DCAF6: variants seen among roughly 807,000 people sequenced by gnomAD.
The protein encoded by DCAF6 is DDB1- and CUL4-associated factor 6.
Under a neutral mutation model 125.1 loss-of-function variants are expected in DCAF6, and 54 were observed. That is an observed-to-expected ratio of 0.43 (90% confidence interval 0.35 to 0.54). The LOEUF (loss-of-function observed/expected upper bound fraction) is 0.54. Ranked by LOEUF, DCAF6 falls within the 20% of genes least tolerant of loss-of-function variation. The pLI, the probability that DCAF6 is intolerant of heterozygous loss-of-function variation, is 0.01. For missense variants in DCAF6, 934 were observed against 1,161.7 expected, an observed-to-expected ratio of 0.80 and a Z score of 2.85; for synonymous variants, 371 against 390.4, an observed-to-expected ratio of 0.95 and a Z score of 0.58.
At chr1:167,904,945 C>T in the DCAF6 span, 10 of 1,613,622 alleles carry the variant, frequency 6.2e-6, no homozygotes, top group Middle Eastern at 1.6e-4. Context: ...AATTCCCACG[C>T]GAGCCTGTTG....
chr1:168,039,703 G>A (rs1457117861), intron 13 of DCAF6, among the ~76,000 whole-genome samples: 1 of 146,066 alleles, frequency 6.8e-6, no homozygotes, highest in Admixed American at 6.9e-5. Context: ...ATATTTAATT[G>A]TATATTAATA....
the DCAF6 span, among the ~76,000 whole-genome samples, chr1:167,886,515 A>T: frequency 4.6e-5 from 7 of 152,212 alleles, no homozygotes; most frequent in African/African-American, 1.7e-4. Flanking sequence ...CTGAAACTGG[A>T]TCCCTTCCTT....
chr1:167,952,920 T>C (rs1336334435), intron 2 of DCAF6, among the ~76,000 whole-genome samples: 1 of 152,224 alleles, frequency 6.6e-6, no homozygotes, highest in East Asian at 1.9e-4. Context: ...TTAGTAATTA[T>C]CAAGATTTTG....
At chr1:167,924,289 A>G in the DCAF6 span, 1 of 376,150 alleles carries the variant, frequency 2.7e-6, no homozygotes, top group Non-Finnish European at 4.9e-6. Context: ...TGTTCCCAGA[A>G]GGCCTCTTAT....
intron 10 of DCAF6, among the ~76,000 whole-genome samples, chr1:168,011,048 G>A (rs1684205445): frequency 6.6e-6 from 1 of 151,244 alleles, no homozygotes; most frequent in Non-Finnish European, 1.5e-5. Context: ...ATATTGAGAA[G>A]TGAATCACTT....
the DCAF6 span, chr1:167,903,844 G>T: frequency 2.8e-6 from 4 of 1,406,760 alleles, no homozygotes; most frequent in Non-Finnish European, 4.0e-6. Context: ...AAAAAACAAT[G>T]AATTGAAATA....
chr1:167,986,710 C>T (rs1408026738), intron 4 of DCAF6, among the ~76,000 whole-genome samples: 2 of 152,148 alleles, frequency 1.3e-5, no homozygotes, highest in Middle Eastern at 3.2e-3. Context: ...GGAGGTGGAG[C>T]TCAGGTGGTA....
intron 2 of DCAF6, among the ~76,000 whole-genome samples, chr1:167,956,050 G>T (rs1290281106): frequency 6.6e-6 from 1 of 152,206 alleles, no homozygotes; most frequent in Non-Finnish European, 1.5e-5. Context: ...ACAGGTATGA[G>T]CCGCTGTGCT....
intron 11 of DCAF6, 30 bp downstream of exon 11, chr1:168,015,981 T>C: frequency 1.4e-6 from 2 of 1,416,014 alleles, no homozygotes; most frequent in Non-Finnish European, 1.9e-6. Context: ...CTTAAGCAGC[T>C]GATAGAATTG....
chr1:168,044,664 C>T lies in DCAF6; in HGVS notation c.1923C>T (p.Ile641=), dbSNP rs1175754908. 1 of 1,609,374 alleles carries T rather than the reference C, an allele frequency of 6.2e-7. No individual in the cohort carries two copies. The highest frequency in any genetic ancestry group is 8.5e-7 in the Non-Finnish European group (1 of 1,176,016). The change falls in exon 15 of 22, where the codon ATC becomes ATT. Residue 641 remains isoleucine (I), a synonymous_variant. Transcript: ENST00000367840. Reference sequence around the variant, plus strand: ...CAGAAAACCCAGTTGAGAACCATATCAATATAAGTGAGTTGCTCCCTTTAG... The same window carrying T: ...CAGAAAACCCAGTTGAGAACCATATTAATATAAGTGAGTTGCTCCCTTTAG... ...VSAENPVENH[I]NITQSDKFTA... is the part of the protein sequence containing the mutation.
At chr1:168,003,785 TA>T in intron 8 of DCAF6, 84 bp from the exon 9 acceptor site, 1 of 1,245,028 alleles carries the variant, frequency 8.0e-7, no homozygotes, top group Non-Finnish European at 1.1e-6. Flanking sequence ...GCTTTCATTT[TA>T]AAGCCCTTCA....
chr1:167,887,619 T>C, the DCAF6 span, among the ~76,000 whole-genome samples: 4 of 151,914 alleles, frequency 2.6e-5, no homozygotes, highest in African/African-American at 7.3e-5. Flanking sequence ...GGGTGCAGCA[T>C]ACCAACATGG....
intron 5 of DCAF6, among the ~76,000 whole-genome samples, chr1:167,988,767 TAAAAC>T (rs919460675): frequency 2.0e-5 from 3 of 151,848 alleles, no homozygotes; most frequent in African/African-American, 4.8e-5. Flanking sequence ...GAAACAGAAA[TAAAAC>T]AAAAAGTAGA....
chr1:167,909,544 GA>G, the DCAF6 span, among the ~76,000 whole-genome samples: 3 of 148,812 alleles, frequency 2.0e-5, no homozygotes, highest in Admixed American at 6.6e-5. Context: ...AACATTATGA[GA>G]TTTTTTTGTG....
chr1:168,014,520 C>A lies in DCAF6; in HGVS notation c.1379-1261C>A, dbSNP rs141011750. Among the ~76,000 whole-genome samples, 871 of 152,306 alleles carry A rather than the reference C, an allele frequency of 5.7e-3. 8 individuals are homozygous for A. The highest frequency in any genetic ancestry group is 0.01 in the Middle Eastern group (3 of 294). The stretch of plus-strand genomic sequence containing the variant: ...CTTAAAATGACATCCAAATTTATAT[C>A]TCTGAATTGTAGACTTTTGTATTCA... On this transcript the variant is annotated intron_variant, in intron 10 of 21. Transcript: ENST00000367840.
chr1:168,019,572 C>T (rs1335107486), intron 11 of DCAF6: 1 of 456,090 alleles, frequency 2.2e-6, no homozygotes, highest in South Asian at 1.6e-5. Flanking sequence ...GTTGCTGGCT[C>T]CTGCTCAGAG....
In DCAF6 at chr1:168,050,957, A is replaced by AT. The variant is rs138318449; in HGVS notation, c.2300+34dup. On this transcript the variant is annotated intron_variant, in intron 17 of 21. Transcript: ENST00000367840. ...AGGTAATTCAGTATGTTCCTTCATA[A>AT]TTTTTTTTTTATGATGGATTTGCCA... 6,643 of 1,223,564 alleles carry AT rather than the reference A, an allele frequency of 5.4e-3. 12 individuals carry two copies. Among genetic ancestry groups the AT allele is most frequent in the African/African-American group, 0.019 (1,268 of 65,278 alleles). The allele number at this position is 1,223,564 out of a possible 1,614,324, so 75.8% of individuals were successfully genotyped here.
chr1:168,068,737 A>C (rs935478022), intron 21 of DCAF6, among the ~76,000 whole-genome samples: 2 of 152,094 alleles, frequency 1.3e-5, no homozygotes, highest in Non-Finnish European at 2.9e-5. Flanking sequence ...TAACCTTAGG[A>C]TATATTATCG....
intron 13 of DCAF6, among the ~76,000 whole-genome samples, chr1:168,039,555 ATTAG>A (rs1277633642): frequency 6.0e-5 from 9 of 149,134 alleles, no homozygotes; most frequent in East Asian, 3.9e-4. Context: ...ATAGTAATCT[ATTAG>A]TTAATATATT....
Sources: gnomAD v4.1 joint callset for allele counts (sites outside exome capture counted in the v4.1 genomes callset) on GRCh38, gnomAD v4.1.1 for gene constraint, MANE v1.5 for transcripts, NCBI Gene and HGNC (gene_info 2026-07-23, HGNC 2026-07-21) for gene names.